The following RHOBTB1 variants were observed in gnomAD, a reference collection of about 807,000 sequenced individuals.
The protein encoded by RHOBTB1 is Rho related BTB domain containing 1.
In RHOBTB1, 40 loss-of-function variants were observed where a neutral mutation model predicts 71.6. The observed-to-expected ratio is 0.56, with a 90% CI of 0.43 to 0.73. RHOBTB1 has a LOEUF of 0.73. RHOBTB1 is among the 30% of genes least tolerant of loss of function. RHOBTB1 has a pLI of 0.00. For synonymous variants in RHOBTB1, 319 were observed against 334.9 expected, an observed-to-expected ratio of 0.95 and a Z score of 0.52; for missense variants, 797 against 894.0, an observed-to-expected ratio of 0.89 and a Z score of 1.38.
intron 2 of RHOBTB1, among the ~76,000 whole-genome samples, chr10:60,984,206 A>G (rs933960482): frequency 7.9e-5 from 12 of 152,234 alleles, no homozygotes; most frequent in Non-Finnish European, 1.6e-4. Flanking sequence ...TTAAAAACTG[A>G]CATGCAAAAT....
chr10:60,892,768 T>C, intron 5 of RHOBTB1, 42 bp downstream of exon 5: 1 of 1,554,010 alleles, frequency 6.4e-7, no homozygotes, highest in Non-Finnish European at 8.7e-7. Context: ...CTGTAAATTT[T>C]AACTTGGTCA....
chr10:60,977,371 T>C (rs531430501), intron 2 of RHOBTB1, among the ~76,000 whole-genome samples: 1 of 152,136 alleles, frequency 6.6e-6, no homozygotes, highest in East Asian at 1.9e-4. Context: ...GTCACTTATG[T>C]ATGGCTGCTT....
At chr10:60,930,080 G>A (rs1438774876) in intron 2 of RHOBTB1, among the ~76,000 whole-genome samples, 1 of 151,902 alleles carries the variant, frequency 6.6e-6, no homozygotes, top group Non-Finnish European at 1.5e-5. Context: ...CTCAACCCTT[G>A]GAAATTAAGA....
At chr10:60,906,335 G>A (rs2082674823) in intron 4 of RHOBTB1, among the ~76,000 whole-genome samples, 1 of 152,192 alleles carries the variant, frequency 6.6e-6, no homozygotes, top group Non-Finnish European at 1.5e-5. Context: ...TATTTGTTGT[G>A]GAATAAAGAA....
At chr10:60,903,663 C>T (rs2082519104) in intron 4 of RHOBTB1, among the ~76,000 whole-genome samples, 1 of 44,418 alleles carries the variant, frequency 2.3e-5, no homozygotes, top group Non-Finnish European at 4.3e-5. Context: ...GAGAAACAGG[C>T]CCCTGGGTCA....
chr10:60,914,207 A>C (rs548868096), intron 2 of RHOBTB1, among the ~76,000 whole-genome samples: 1 of 152,334 alleles, frequency 6.6e-6, no homozygotes, highest in African/African-American at 2.4e-5. Context: ...TGGAGGGGGC[A>C]GGGAGGAGGT....
intron 2 of RHOBTB1, among the ~76,000 whole-genome samples, chr10:60,923,156 G>C (rs1350038623): frequency 6.6e-6 from 1 of 152,182 alleles, no homozygotes; most frequent in Non-Finnish European, 1.5e-5. Flanking sequence ...TGTATGGATA[G>C]TGTAAACAGA....
At chr10:60,976,282 G>A (rs923935992) in intron 2 of RHOBTB1, among the ~76,000 whole-genome samples, 8 of 151,412 alleles carry the variant, frequency 5.3e-5, no homozygotes, top group Admixed American at 4.6e-4. Context: ...ATTTGTACTC[G>A]AATATTTGAA....
downstream of RHOBTB1, among the ~76,000 whole-genome samples, chr10:60,869,261 A>T (rs1369671810): frequency 6.6e-6 from 1 of 152,222 alleles, no homozygotes; most frequent in African/African-American, 2.4e-5. Flanking sequence ...ACATTATGAC[A>T]CTGGAATCTC....
At chr10:60,941,996 T>A (rs1289035639) in intron 1 of RHOBTB1, 142 bp from the exon 2 acceptor site, 1 of 152,012 alleles carries the variant, frequency 6.6e-6, no homozygotes, top group Non-Finnish European at 1.5e-5. Flanking sequence ...TAAGTGCCAG[T>A]GTTAATGTGG....
At chr10:60,979,167 C>T (rs1250588625) in intron 2 of RHOBTB1, among the ~76,000 whole-genome samples, 1 of 152,112 alleles carries the variant, frequency 6.6e-6, no homozygotes, top group African/African-American at 2.4e-5. Context: ...AACTAATCCT[C>T]TTTTGTTTTT....
chr10:60,946,499 C>G (rs2085242134), upstream of RHOBTB1, among the ~76,000 whole-genome samples: 2 of 152,166 alleles, frequency 1.3e-5, no homozygotes, highest in South Asian at 4.1e-4. Context: ...GAGGCAGATG[C>G]TATAATTATC....
intron 1 of RHOBTB1, among the ~76,000 whole-genome samples, chr10:60,991,727 G>A (rs779561110): frequency 1.3e-5 from 2 of 152,064 alleles, no homozygotes; most frequent in Non-Finnish European, 2.9e-5. Context: ...CACCGCACCC[G>A]ACCTTCCCTC....
chr10:60,983,440 A>G (rs2086566768), intron 2 of RHOBTB1, among the ~76,000 whole-genome samples: 1 of 152,242 alleles, frequency 6.6e-6, no homozygotes, highest in African/African-American at 2.4e-5. Flanking sequence ...GATGAGAACA[A>G]AAGCACATTA....
chr10:60,991,188 G>A (rs1039184847), intron 1 of RHOBTB1, among the ~76,000 whole-genome samples: 21 of 151,788 alleles, frequency 1.4e-4, no homozygotes, highest in Non-Finnish European at 2.2e-4. Context: ...TATTCCACAC[G>A]GTAGCCAGAA....
intron 2 of RHOBTB1, among the ~76,000 whole-genome samples, chr10:60,951,104 T>G (rs2085394509): frequency 6.6e-6 from 1 of 152,236 alleles, no homozygotes; most frequent in South Asian, 2.1e-4. Context: ...ATACCAAGCA[T>G]CTGTAATATA....
the RHOBTB1 span, among the ~76,000 whole-genome samples, chr10:60,864,288 A>G: frequency 2.6e-5 from 4 of 152,198 alleles, no homozygotes; most frequent in Admixed American, 2.6e-4. Context: ...AAATGCAAAC[A>G]AGGCACTTAT....
At chr10:60,907,461 C>A (rs962878874) in intron 4 of RHOBTB1, among the ~76,000 whole-genome samples, 18 of 152,128 alleles carry the variant, frequency 1.2e-4, no homozygotes, top group South Asian at 1.0e-3. Context: ...TTTAAAAGAT[C>A]CAGAAAAGAG....
upstream of RHOBTB1, among the ~76,000 whole-genome samples, chr10:60,945,258 G>C (rs1306736887): frequency 6.6e-6 from 1 of 152,128 alleles, no homozygotes; most frequent in African/African-American, 2.4e-5. Context: ...AGACACAACT[G>C]TGTTCAGCTA....
Sources: allele counts gnomAD v4.1 joint callset (sites outside exome capture counted in the v4.1 genomes callset), GRCh38; gene constraint gnomAD v4.1.1; transcripts MANE v1.5; gene names NCBI Gene and HGNC (gene_info 2026-07-23, HGNC 2026-07-21).